FGF14: variants seen among roughly 807,000 people sequenced by gnomAD.
The protein encoded by FGF14 is fibroblast growth factor homologous factor 4.
A neutral mutation model predicts 25.5 loss-of-function variants in FGF14; 5 were observed. The observed-to-expected ratio is 0.20, with a 90% confidence interval of 0.10 to 0.41. The LOEUF (loss-of-function observed/expected upper bound fraction) is 0.41, where lower values mean the gene tolerates loss of function less well. Ranked by LOEUF, FGF14 falls within the 10% of genes least tolerant of loss-of-function variation. FGF14 has a pLI of 1.00. For synonymous variants in FGF14, 138 were observed against 118.3 expected (o/e 1.17, Z -1.08); for missense variants, 222 against 320.1 (o/e 0.69, Z 2.34).
chr13:102,257,548 G>A (rs1055175967), intron 1 of FGF14, among the ~76,000 whole-genome samples: 4 of 151,318 alleles, frequency 2.6e-5, no homozygotes, highest in African/African-American at 7.3e-5. Context: ...AGCCAGGCTG[G>A]TCTCAAACTC....
chr13:101,947,197 G>T (rs2035864357), intron 1 of FGF14, among the ~76,000 whole-genome samples: 1 of 152,210 alleles, frequency 6.6e-6, no homozygotes, highest in Admixed American at 6.5e-5. Context: ...TGTTGGCGAG[G>T]CTGCAGAGCA....
At chr13:102,209,654 T>G (rs1273795636) in intron 1 of FGF14, among the ~76,000 whole-genome samples, 2 of 152,128 alleles carry the variant, frequency 1.3e-5, no homozygotes, top group Non-Finnish European at 2.9e-5. Flanking sequence ...TGCTTCTGAC[T>G]TGAAGCAGGG....
chr13:101,856,408 G>A (rs2044130168), intron 3 of FGF14, among the ~76,000 whole-genome samples: 1 of 151,758 alleles, frequency 6.6e-6, no homozygotes, highest in Non-Finnish European at 1.5e-5. Context: ...CCAAGAGGAA[G>A]AATTTTATTC....
At chr13:102,161,569 GAAAGA>G (rs772230364) in intron 1 of FGF14, among the ~76,000 whole-genome samples, 5,097 of 16,596 alleles carry the variant, frequency 0.31, 740 homozygotes, top group East Asian at 0.63. Flanking sequence ...TTTCTGTGAA[GAAAGA>G]AAGAAGAAGA....
rs138914000 is a variant in FGF14, at chr13:102,274,424, G to T, written c.208+127047C>A. ...TTCTAATGGATCTGGAATTTTATTA[G>T]TTATTTATTTGTCCCCTACCCCCAC... On this transcript the variant is annotated intron_variant, in intron 1 of 4. Coordinates refer to the FGF14 transcript ENST00000376131. Among the ~76,000 whole-genome samples, 10 of 152,208 alleles carry T rather than the reference G, an allele frequency of 6.6e-5. No homozygotes were observed. The East Asian group carries it at 1.7e-3, about 26-fold the overall frequency.
At chr13:102,101,550 A>G (rs2044662571) in intron 1 of FGF14, among the ~76,000 whole-genome samples, 3 of 152,220 alleles carry the variant, frequency 2.0e-5, no homozygotes, top group South Asian at 2.1e-4. Context: ...AAAAGGCAAT[A>G]AAGTGTACCC....
At chr13:102,352,283 ACACAC>A (rs1382030858) in intron 1 of FGF14, among the ~76,000 whole-genome samples, 3 of 136,854 alleles carry the variant, frequency 2.2e-5, no homozygotes, top group African/African-American at 8.4e-5. Context: ...ACACACACAC[ACACAC>A]ACCTGCAACA....
At chr13:102,161,886 A>G (rs1033700932) in intron 1 of FGF14, among the ~76,000 whole-genome samples, 2 of 151,540 alleles carry the variant, frequency 1.3e-5, no homozygotes, top group Non-Finnish European at 2.9e-5. Flanking sequence ...ATATGGACCT[A>G]AATTTAATCT....
intron 3 of FGF14, among the ~76,000 whole-genome samples, chr13:101,861,754 C>T (rs1028831138): frequency 1.3e-5 from 2 of 152,002 alleles, no homozygotes; most frequent in African/African-American, 4.8e-5. Context: ...CAAAAACAAG[C>T]CAAGAAAACG....
chr13:102,232,272 G>C (rs901754600), intron 1 of FGF14, among the ~76,000 whole-genome samples: 2 of 144,278 alleles, frequency 1.4e-5, no homozygotes, highest in Non-Finnish European at 3.0e-5. Flanking sequence ...GTCATATGGA[G>C]CTACAAGCTG....
At chr13:102,034,958 G>A (rs892683661) in intron 1 of FGF14, among the ~76,000 whole-genome samples, 7 of 152,106 alleles carry the variant, frequency 4.6e-5, no homozygotes, top group African/African-American at 9.7e-5. Flanking sequence ...CATCTGGGCT[G>A]GAATTGAATC....
chr13:102,250,451 C>T (rs2052112168), intron 1 of FGF14, among the ~76,000 whole-genome samples: 2 of 152,136 alleles, frequency 1.3e-5, no homozygotes, highest in Admixed American at 1.3e-4. Flanking sequence ...ATATCATAGC[C>T]TCATCCAAGC....
chr13:101,916,346 C>T (rs572660661), intron 1 of FGF14, 107 bp downstream of exon 1: 1 of 1,372,658 alleles, frequency 7.3e-7, no homozygotes, highest in Non-Finnish European at 1.0e-6. Flanking sequence ...GAGGCCGGGG[C>T]CGGGGTGGGC....
chr13:102,334,120 A>G (rs1012837111), intron 1 of FGF14, among the ~76,000 whole-genome samples: 6 of 152,168 alleles, frequency 3.9e-5, no homozygotes, highest in Non-Finnish European at 7.3e-5. Context: ...GAGCCACCCA[A>G]AGTAAACCGG....
At chr13:102,223,704 G>C (rs1188354156) in intron 1 of FGF14, among the ~76,000 whole-genome samples, 1 of 151,986 alleles carries the variant, frequency 6.6e-6, no homozygotes, top group Non-Finnish European at 1.5e-5. Flanking sequence ...TATCCTATCT[G>C]TTTCAATCTC....
chr13:102,321,761 T>C (rs760327476), intron 1 of FGF14, among the ~76,000 whole-genome samples: 5 of 152,212 alleles, frequency 3.3e-5, no homozygotes, highest in Admixed American at 6.5e-5. Context: ...ATTAAGTATA[T>C]GATGACTCTA....
At chr13:102,215,133 T>C (rs115742598) in intron 1 of FGF14, among the ~76,000 whole-genome samples, 1,551 of 152,336 alleles carry the variant, frequency 0.01, 34 homozygotes, top group African/African-American at 0.034. Flanking sequence ...TTTTGGTTCA[T>C]ATGCAAATTA....
At chr13:101,814,296 G>A (rs1566933552) in intron 3 of FGF14, among the ~76,000 whole-genome samples, 1 of 151,862 alleles carries the variant, frequency 6.6e-6, no homozygotes, top group African/African-American at 2.4e-5. Flanking sequence ...CACTGGAGCT[G>A]AAAAAAAATG....
At chr13:101,825,872 A>T (rs2042371033) in intron 3 of FGF14, among the ~76,000 whole-genome samples, 1 of 152,158 alleles carries the variant, frequency 6.6e-6, no homozygotes, top group Non-Finnish European at 1.5e-5. Context: ...AGGGGGTTGA[A>T]TTTGATATTT....
Sources: allele counts gnomAD v4.1 joint callset (sites outside exome capture counted in the v4.1 genomes callset), GRCh38; gene constraint gnomAD v4.1.1; transcripts MANE v1.5; gene names NCBI Gene and HGNC (gene_info 2026-07-23, HGNC 2026-07-21).